The following MAN1A2 variants were observed in gnomAD, a reference collection of about 807,000 sequenced individuals.
The protein encoded by MAN1A2 is mannosyl-oligosaccharide 1,2-alpha-mannosidase IB.
In MAN1A2, 26 loss-of-function variants were observed where a neutral mutation model predicts 75.7. The ratio of observed to expected loss-of-function variants is 0.34; its 90% confidence interval spans 0.25 to 0.48. The LOEUF is 0.48. Ranked by LOEUF, MAN1A2 falls within the 20% of genes least tolerant of loss-of-function variation. The pLI is 0.99. For missense variants in MAN1A2, 562 were observed against 775.5 expected (o/e 0.72, Z 3.27); for synonymous variants, 247 against 264.6 (o/e 0.93, Z 0.65).
chr1:117,487,954 A>G (rs1238287051), intron 8 of MAN1A2, among the ~76,000 whole-genome samples: 1 of 152,124 alleles, frequency 6.6e-6, no homozygotes, highest in East Asian at 1.9e-4. Flanking sequence ...ATCATACATT[A>G]CCATCCTTAT....
chr1:117,499,337 A>G (rs777018178), intron 10 of MAN1A2, 45 bp from the exon 11 acceptor site: 1 of 1,369,902 alleles, frequency 7.3e-7, no homozygotes, highest in Non-Finnish European at 9.7e-7. Flanking sequence ...GCAAACAAAC[A>G]TAAATGGTTT....
At chr1:117,458,096 C>G (rs963612467) in intron 6 of MAN1A2, among the ~76,000 whole-genome samples, 12 of 152,112 alleles carry the variant, frequency 7.9e-5, no homozygotes, top group Admixed American at 6.6e-4. Flanking sequence ...CTTTCTATCT[C>G]TAGTACTCAA....
chr1:117,509,146 T>C (rs1651458108), intron 12 of MAN1A2, among the ~76,000 whole-genome samples: 2 of 151,512 alleles, frequency 1.3e-5, no homozygotes, highest in East Asian at 1.9e-4. Context: ...AAAAGAGCAC[T>C]AAGTAAAGTA....
In MAN1A2 at chr1:117,499,464, C is replaced by T. The variant is rs778406715; in HGVS notation, c.1587C>T (p.Ile529=). The T allele has an allele frequency of 6.2e-7, 1 of 1,608,644 alleles. No homozygotes were observed. Among genetic ancestry groups the T allele is most frequent in the Non-Finnish European group, 8.5e-7 (1 of 1,177,418 alleles). The part of the protein sequence containing the change: ...VAVRQAEKYY[I]LRPEVIETYW... ...TCCGGCAGGCTGAAAAGTATTATAT[C>T]CTCCGTCCAGAAGTAATTGAAACCT... Residue 529 remains isoleucine, a synonymous_variant, in exon 11 of 13, where the codon ATC becomes ATT. Transcript: ENST00000356554.
chr1:117,371,759 A>G (rs567705803), intron 1 of MAN1A2, among the ~76,000 whole-genome samples: 2 of 152,292 alleles, frequency 1.3e-5, no homozygotes, highest in East Asian at 3.9e-4. Flanking sequence ...TGTTGTTACA[A>G]AAGTTTGAAT....
chr1:117,413,254 A>G (rs1647881333), intron 3 of MAN1A2, among the ~76,000 whole-genome samples: 1 of 151,928 alleles, frequency 6.6e-6, no homozygotes, highest in African/African-American at 2.4e-5. Flanking sequence ...TTGTTAGCTA[A>G]GAGAAGATAG....
At chr1:117,414,139 T>C (rs992286324) in intron 3 of MAN1A2, among the ~76,000 whole-genome samples, 11 of 152,048 alleles carry the variant, frequency 7.2e-5, no homozygotes, top group African/African-American at 2.6e-4. Flanking sequence ...ATATTTTGTT[T>C]GATGGTTTCC....
At chr1:117,426,377 GTTGATATC>G (rs1648373618) in intron 5 of MAN1A2, among the ~76,000 whole-genome samples, 1 of 151,880 alleles carries the variant, frequency 6.6e-6, no homozygotes, top group Non-Finnish European at 1.5e-5. Flanking sequence ...GGGTCTGTGG[GTTGATATC>G]TTTAATTATT....
chr1:117,389,850 G>C (rs1653662512), intron 1 of MAN1A2, among the ~76,000 whole-genome samples: 1 of 150,836 alleles, frequency 6.6e-6, no homozygotes, highest in African/African-American at 2.5e-5. Flanking sequence ...TTTTTAATAG[G>C]TGCCCTGTAT....
intron 8 of MAN1A2, among the ~76,000 whole-genome samples, chr1:117,476,852 G>A (rs951563516): frequency 1.3e-5 from 2 of 151,908 alleles, no homozygotes; most frequent in African/African-American, 4.8e-5. Context: ...CTCTTTTTTG[G>A]TTCCATATGA....
chr1:117,392,164 T>G (rs1051118070), intron 1 of MAN1A2, among the ~76,000 whole-genome samples: 5 of 152,088 alleles, frequency 3.3e-5, no homozygotes, highest in African/African-American at 4.8e-5. Context: ...CAAGTTGAAG[T>G]TCTTTAGTGC....
In MAN1A2 at chr1:117,525,632, C is replaced by A. The variant is rs1651993314; in HGVS notation, c.*2675C>A. 1 of 152,496 alleles carries A rather than the reference C, an allele frequency of 6.6e-6. No homozygotes were observed. The allele number at this position is 152,496 out of a possible 1,614,324, so 9.4% of individuals were successfully genotyped here. On this transcript the variant is annotated 3_prime_UTR_variant, in exon 13 of 13. Coordinates refer to ENST00000356554, the MANE Select transcript of MAN1A2 (RefSeq NM_006699.5). ...GCACAAATGTGCAGAATAGATACATCAGTTGGTGCATAATCGAAAAAAATA... is the reference window on the plus strand; with the variant it reads ...GCACAAATGTGCAGAATAGATACATAAGTTGGTGCATAATCGAAAAAAATA...
intron 12 of MAN1A2, among the ~76,000 whole-genome samples, chr1:117,514,070 G>T (rs1037654299): frequency 6.6e-6 from 1 of 152,030 alleles, no homozygotes; most frequent in African/African-American, 2.4e-5. Context: ...TCTATGTTTG[G>T]AAGTTTTACA....
At chr1:117,422,438 C>G (rs1487582242) in intron 5 of MAN1A2, among the ~76,000 whole-genome samples, 1 of 152,000 alleles carries the variant, frequency 6.6e-6, no homozygotes, top group Non-Finnish European at 1.5e-5. Context: ...CTATAGATTT[C>G]TGTGGGAAAA....
intron 12 of MAN1A2, among the ~76,000 whole-genome samples, chr1:117,518,421 T>C (rs1274122932): frequency 6.6e-6 from 1 of 152,012 alleles, no homozygotes; most frequent in Non-Finnish European, 1.5e-5. Context: ...TTTTCTTTTA[T>C]GATGAAATGT....
chr1:117,515,020 G>A, intron 12 of MAN1A2: 1 of 432,450 alleles, frequency 2.3e-6, no homozygotes, highest in South Asian at 1.9e-5. Flanking sequence ...TAAAGTATAT[G>A]AAATGTATAC....
intron 6 of MAN1A2, among the ~76,000 whole-genome samples, chr1:117,451,846 A>G (rs766838765): frequency 6.6e-6 from 1 of 152,146 alleles, no homozygotes; most frequent in Non-Finnish European, 1.5e-5. Context: ...GGACTAATGC[A>G]GCATGATGGT....
rs538127738 is a variant in MAN1A2, at chr1:117,523,340, A to G, written c.*383A>G. 2 of 466,700 alleles carry G rather than the reference A, an allele frequency of 4.3e-6. No homozygotes were observed. The highest frequency in any genetic ancestry group is 4.0e-5 in the African/African-American group (2 of 49,880). 28.9% of individuals were successfully genotyped at this position (466,700 alleles called of 1,614,324 possible). The stretch of plus-strand genomic sequence containing the variant: ...TTCAAGATGGCCTTTGGAACCAATT[A>G]TGTATTTGTTTCCTCCTACAGTGGA... On this transcript the variant is annotated 3_prime_UTR_variant, in exon 13 of 13. Coordinates refer to ENST00000356554, the MANE Select transcript of MAN1A2 (RefSeq NM_006699.5).
intron 8 of MAN1A2, among the ~76,000 whole-genome samples, chr1:117,486,246 A>C (rs1288310060): frequency 4.6e-5 from 7 of 152,078 alleles, no homozygotes; most frequent in South Asian, 2.1e-4. Flanking sequence ...CAGATGGTAA[A>C]TGTATTAAAA....
Sources: allele counts gnomAD v4.1 joint callset (sites outside exome capture counted in the v4.1 genomes callset), GRCh38; gene constraint gnomAD v4.1.1; transcripts MANE v1.5; gene names NCBI Gene and HGNC (gene_info 2026-07-23, HGNC 2026-07-21).